CACNB2: variants seen among roughly 807,000 people sequenced by gnomAD.
CACNB2 encodes calcium voltage-gated channel auxiliary subunit beta 2.
Under a neutral mutation model 73.3 loss-of-function variants are expected in CACNB2, and 42 were observed. The ratio of observed to expected loss-of-function variants is 0.57; its 90% CI spans 0.45 to 0.74. The LOEUF (loss-of-function observed/expected upper bound fraction) is 0.74, where lower values mean the gene tolerates loss of function less well. Among genes scored for constraint, CACNB2 ranks in the 30% least tolerant of loss-of-function variants. CACNB2 has a pLI of 0.00. For synonymous variants in CACNB2, 348 were observed against 310.3 expected (o/e 1.12, Z -1.28); for missense variants, 940 against 853.0 (o/e 1.10, Z -1.27).
intron 13 of CACNB2, among the ~76,000 whole-genome samples, chr10:18,538,961 G>T (rs1273632500): frequency 6.7e-6 from 1 of 149,338 alleles, no homozygotes; most frequent in South Asian, 2.1e-4. Context: ...ATAAATAAAA[G>T]AACATTTTCC....
chr10:18,523,815 C>G (rs1185569917), intron 9 of CACNB2, among the ~76,000 whole-genome samples: 3 of 152,156 alleles, frequency 2.0e-5, no homozygotes, highest in African/African-American at 7.2e-5. Flanking sequence ...CCTTAATCAT[C>G]TATTAAATAA....
intron 3 of CACNB2, among the ~76,000 whole-genome samples, chr10:18,406,530 C>G (rs569569138): frequency 6.6e-6 from 1 of 152,128 alleles, no homozygotes; most frequent in African/African-American, 2.4e-5. Context: ...TGCATGTGAG[C>G]GATCGAGGTT....
At chr10:18,392,511 AG>A (rs1320022323) in intron 2 of CACNB2, among the ~76,000 whole-genome samples, 1 of 152,168 alleles carries the variant, frequency 6.6e-6, no homozygotes. Context: ...GAAGAGTTAG[AG>A]GGAGCAGAGC....
chr10:18,446,128 TAAAG>T (rs1257315489), intron 3 of CACNB2, among the ~76,000 whole-genome samples: 3 of 151,946 alleles, frequency 2.0e-5, no homozygotes, highest in Admixed American at 6.6e-5. Flanking sequence ...CATGATGAAA[TAAAG>T]AAACAGCCAC....
chr10:18,510,394 C>T (rs1368751280), intron 6 of CACNB2, among the ~76,000 whole-genome samples: 2 of 152,110 alleles, frequency 1.3e-5, no homozygotes. Context: ...CCTCCATCTC[C>T]CAGGTTCAAG....
intron 9 of CACNB2, among the ~76,000 whole-genome samples, chr10:18,527,290 C>T (rs1020715773): frequency 2.0e-5 from 3 of 152,038 alleles, no homozygotes; most frequent in African/African-American, 7.2e-5. Context: ...GCAGGAGAAT[C>T]ACTTGAACCT....
rs946426504 is a variant in CACNB2, at chr10:18,489,629, C to G, written c.334-8726C>G. ...TCACCTTGGAATAAAACAATTGTAG[C>G]TGGGGTTAAATGAAATGTAGCAATC... is the stretch of plus-strand genomic sequence containing the variant. On this transcript the variant is annotated intron_variant, in intron 3 of 13. Coordinates refer to ENST00000324631, the MANE Select transcript of CACNB2 (RefSeq NM_201596.3). Among the ~76,000 whole-genome samples, 8 of 152,060 alleles carry G rather than the reference C, an allele frequency of 5.3e-5. No individual in the cohort carries two copies. In the East Asian group the frequency reaches 1.5e-3, roughly 29 times the overall value.
At chr10:18,220,144 T>TATATATAC (rs2035685341) in intron 2 of CACNB2, among the ~76,000 whole-genome samples, 7 of 38,946 alleles carry the variant, frequency 1.8e-4, no homozygotes, top group Admixed American at 1.7e-3. Flanking sequence ...TATATATATA[T>TATATATAC]ATATATATAT....
At chr10:18,268,071 C>T (rs1439081292) in intron 2 of CACNB2, among the ~76,000 whole-genome samples, 1 of 152,218 alleles carries the variant, frequency 6.6e-6, no homozygotes, top group Non-Finnish European at 1.5e-5. Flanking sequence ...TTATTCCCAC[C>T]TCCCTCTGCA....
At chr10:18,334,573 A>C (rs749922910) in intron 2 of CACNB2, among the ~76,000 whole-genome samples, 40 of 152,094 alleles carry the variant, frequency 2.6e-4, no homozygotes, top group Non-Finnish European at 4.6e-4. Flanking sequence ...TCTCATTCTC[A>C]GCACTATGGA....
chr10:18,244,682 C>G (rs977901675), intron 2 of CACNB2, among the ~76,000 whole-genome samples: 1 of 152,186 alleles, frequency 6.6e-6, no homozygotes, highest in Non-Finnish European at 1.5e-5. Flanking sequence ...TGGCTCCCTA[C>G]CAAGCACACA....
intron 3 of CACNB2, among the ~76,000 whole-genome samples, chr10:18,417,467 C>T (rs2045055758): frequency 7.0e-6 from 1 of 143,252 alleles, no homozygotes; most frequent in African/African-American, 2.6e-5. Context: ...CTCCCGGGTT[C>T]AAGCGATTCT....
At chr10:18,213,397 A>G (rs1486338973) in intron 2 of CACNB2, among the ~76,000 whole-genome samples, 2 of 152,168 alleles carry the variant, frequency 1.3e-5, no homozygotes, top group African/African-American at 4.8e-5. Context: ...TCACTGTAGA[A>G]CCACAGGGCT....
chr10:18,348,483 A>G (rs2041566925), intron 2 of CACNB2, among the ~76,000 whole-genome samples: 1 of 149,220 alleles, frequency 6.7e-6, no homozygotes, highest in Non-Finnish European at 1.5e-5. Flanking sequence ...ATGGATGGAC[A>G]GACAGACAGA....
chr10:18,535,456 T>A (rs1345803759), intron 11 of CACNB2, among the ~76,000 whole-genome samples: 2 of 152,026 alleles, frequency 1.3e-5, no homozygotes, highest in African/African-American at 2.4e-5. Context: ...TAGAGAGATG[T>A]GTAAAAATGT....
At chr10:18,489,139 C>T (rs1033344546) in intron 3 of CACNB2, among the ~76,000 whole-genome samples, 3 of 152,054 alleles carry the variant, frequency 2.0e-5, no homozygotes, top group Middle Eastern at 6.8e-3. Context: ...CGGTGAAACC[C>T]CACCTATACT....
chr10:18,468,791 G>C (rs555730783), intron 3 of CACNB2, among the ~76,000 whole-genome samples: 1 of 151,958 alleles, frequency 6.6e-6, no homozygotes, highest in Non-Finnish European at 1.5e-5. Context: ...TAAAGATGGG[G>C]TTTCTGCATG....
intron 2 of CACNB2, among the ~76,000 whole-genome samples, chr10:18,362,086 C>T (rs1017521068): frequency 6.6e-6 from 1 of 152,188 alleles, no homozygotes; most frequent in African/African-American, 2.4e-5. Flanking sequence ...GCCTCAGCTT[C>T]CCAATGGGTA....
intron 2 of CACNB2, among the ~76,000 whole-genome samples, chr10:18,180,933 T>A (rs1252742204): frequency 1.3e-5 from 2 of 151,756 alleles, no homozygotes; most frequent in African/African-American, 4.8e-5. Flanking sequence ...ACCACTGCAC[T>A]CCAGCCTGGG....
Sources: allele counts gnomAD v4.1 joint callset (sites outside exome capture counted in the v4.1 genomes callset), GRCh38; gene constraint gnomAD v4.1.1; transcripts MANE v1.5; gene names NCBI Gene and HGNC (gene_info 2026-07-23, HGNC 2026-07-21).